The following ERBB2 variants were observed in gnomAD, a reference collection of about 807,000 sequenced individuals.
The protein encoded by ERBB2 is erb-b2 receptor tyrosine kinase 2.
Under a neutral mutation model 149.0 loss-of-function variants are expected in ERBB2, and 61 were observed. That is an observed-to-expected ratio of 0.41 (90% CI 0.33 to 0.51). The LOEUF (loss-of-function observed/expected upper bound fraction) is 0.51, where lower values mean the gene tolerates loss of function less well. ERBB2 is among the 20% of genes least tolerant of loss of function. The probability of loss-of-function intolerance (pLI) is 0.25; values close to 1 mark genes in which losing one functional copy is unlikely to be tolerated. For synonymous variants in ERBB2, 633 were observed against 678.8 expected, an observed-to-expected ratio of 0.93 and a Z score of 1.05; for missense variants, 1,205 against 1,655.1, an observed-to-expected ratio of 0.73 and a Z score of 4.72.
intron 15 of ERBB2, 88 bp from the exon 16 acceptor site, chr17:39,719,699 C>T: frequency 2.2e-6 from 3 of 1,362,046 alleles, no homozygotes; most frequent in East Asian, 2.3e-5. Flanking sequence ...GACCCAGCCA[C>T]ACCCCTCCCA....
At chr17:39,707,948 T>G in intron 2 of ERBB2, 1 of 189,744 alleles carries the variant, frequency 5.3e-6, no homozygotes, top group Non-Finnish European at 1.1e-5. Flanking sequence ...GTGGTGAGCC[T>G]AGATCGTGCC....
chr17:39,699,601 A>G (rs1187833144), upstream of ERBB2: 1 of 1,391,876 alleles, frequency 7.2e-7, no homozygotes, highest in Admixed American at 2.0e-5. Flanking sequence ...AACACAACAC[A>G]TCCCCCTCCT....
At position 39,709,523 on chromosome 17, in the gene ERBB2, A is replaced by G. The variant is rs951781674; in HGVS notation, c.574+71A>G. On this transcript the variant is annotated intron_variant, in intron 4 of 26. Coordinates refer to ENST00000269571, the MANE Select transcript of ERBB2 (RefSeq NM_004448.4). Reference sequence around the variant, plus strand: ...CCCCAGCCGCAAACTCCCAACTTACAACCCAGTGCCTGCCCGCCACTGCCC... The same window carrying G: ...CCCCAGCCGCAAACTCCCAACTTACGACCCAGTGCCTGCCCGCCACTGCCC... The G allele has an allele frequency of 2.6e-6, 4 of 1,564,194 alleles. No homozygotes were observed. In the African/African-American group the frequency reaches 4.1e-5, roughly 16 times the overall value.
At chr17:39,706,948 C>T (rs1444394676) in intron 1 of ERBB2, 42 bp from the exon 2 acceptor site, 3 of 1,479,312 alleles carry the variant, frequency 2.0e-6, no homozygotes, top group Non-Finnish European at 2.7e-6. Flanking sequence ...CTGAGAAGGT[C>T]CCCCGCCAGT....
At chr17:39,709,532 C>A (rs1597863755) in intron 4 of ERBB2, 80 bp downstream of exon 4, 1 of 1,527,416 alleles carries the variant, frequency 6.5e-7, no homozygotes, top group Non-Finnish European at 8.9e-7. Flanking sequence ...CAACCCAGTG[C>A]CTGCCCGCCA....
rs528617852 is a variant in ERBB2 at position 39,726,201 on chromosome 17, G to T, written c.2872+348G>T. ...ATAAAAAAATTATCTGGGTGTGGTG[G>T]TGTGTGCCAGTAGTCCCAGCTACTC... On this transcript the variant is annotated intron_variant, in intron 23 of 26. Coordinates refer to ENST00000269571, the MANE Select transcript of ERBB2 (RefSeq NM_004448.4). This position sits in a 1 kb window ranked among gnomAD's most constrained non-coding sequence, Gnocchi z 5.1. The T allele has an allele frequency of 7.4e-6, 3 of 405,706 alleles. No homozygotes were observed. The East Asian group carries it at 1.4e-4, about 19-fold the overall frequency. 25.1% of individuals were successfully genotyped at this position (405,706 alleles called of 1,614,324 possible). A position where few individuals can be genotyped will look rare whatever the true frequency, so the allele number is the denominator to read the frequency against.
rs2145815193 is a variant in ERBB2, at chr17:39,723,623, A to G, written c.2171A>G (p.Lys724Arg). 1.2e-6 allele frequency: 2 copies of G among 1,606,234 alleles called. No homozygotes were observed. The highest frequency in any genetic ancestry group is 1.7e-6 in the Non-Finnish European group (2 of 1,176,332). ...ILKETELRKV[K>R]VLGSGAFGTV... ...AAAGAGACGGAGCTGAGGAAGGTGA[A>G]GGTGCTTGGATCTGGCGCTTTTGGC... The change falls in exon 18 of 27, where the codon AAG becomes AGG. Residue 724 changes from lysine to arginine, a missense_variant. Lys to Arg is a conservative substitution (Grantham distance 26, BLOSUM62 2). Transcript: ENST00000269571. This position sits in a 1 kb window ranked among gnomAD's most constrained non-coding sequence, Gnocchi z 6.2.
chr17:39,716,595 G>C lies in ERBB2; in HGVS notation c.1727G>C (p.Cys576Ser). The change falls in exon 14 of 27, where the codon TGT (cysteine) becomes TCT (serine). Residue 576 changes from cysteine (C) to serine (S), a missense_variant. Cys to Ser is a moderately radical substitution (Grantham distance 112). Coordinates refer to ENST00000269571, the MANE Select transcript of ERBB2 (RefSeq NM_004448.4). ...CAGCCCCAGAATGGCTCAGTGACCT[G>C]TTTTGGACCGGTGAGCTGCTGGCGG... ...ECQPQNGSVTCFGPEADQCVA... is the reference protein window; with the variant it reads ...ECQPQNGSVTSFGPEADQCVA... 1 of 1,614,038 alleles carries C rather than the reference G, an allele frequency of 6.2e-7. No homozygotes were observed. The highest frequency in any genetic ancestry group is 8.5e-7 in the Non-Finnish European group (1 of 1,179,980).
In ERBB2 at chr17:39,709,386, A is replaced by C. The variant is rs1269105876; in HGVS notation, c.508A>C (p.Lys170Gln). 6.2e-7 allele frequency: 1 copy of C among 1,613,904 alleles called. No homozygotes were observed. Among genetic ancestry groups the C allele is most frequent in the African/African-American group, 1.3e-5 (1 of 74,878 alleles). The change falls in exon 4 of 27, where the codon AAG (lysine) becomes CAG (glutamine). Residue 170 changes from lysine (K) to glutamine (Q), a missense_variant. Around this residue, in one of 6 missense-constraint regions of ERBB2, gnomAD observed 569 missense variants for 803.5 expected, o/e 0.71. Transcript: ENST00000269571. The part of the protein sequence containing the change: ...QLCYQDTILW[K>Q]DIFHKNNQLA... Reference sequence around the variant, plus strand: ...CTGCTACCAGGACACGATTTTGTGGAAGGACATCTTCCACAAGAACAACCA... The same window carrying C: ...CTGCTACCAGGACACGATTTTGTGGCAGGACATCTTCCACAAGAACAACCA...
intron 6 of ERBB2, 23 bp downstream of exon 6, chr17:39,710,224 C>A (rs1237440963): frequency 6.2e-7 from 1 of 1,610,204 alleles, no homozygotes; most frequent in Non-Finnish European, 8.5e-7. Context: ...GCTTTGTGCC[C>A]AATGTGCTCT....
intron 2 of ERBB2, 142 bp from the exon 3 acceptor site, chr17:39,708,179 T>G (rs2058570192): frequency 1.7e-6 from 1 of 600,844 alleles, no homozygotes. Context: ...TTATCTCTAT[T>G]TTATCGTTTT....
chr17:39,690,338 A>T (rs558424812), upstream of ERBB2, among the ~76,000 whole-genome samples: 13 of 152,320 alleles, frequency 8.5e-5, no homozygotes, highest in Admixed American at 8.5e-4. Flanking sequence ...CTCCCGCCTC[A>T]ACCTCCCAAA....
chr17:39,704,153 T>C (rs530981870), intron 1 of ERBB2, among the ~76,000 whole-genome samples: 1 of 152,330 alleles, frequency 6.6e-6, no homozygotes, highest in African/African-American at 2.4e-5. Context: ...CAGACACTTA[T>C]CTAGCGCTCC....
intron 7 of ERBB2, among the ~76,000 whole-genome samples, chr17:39,711,423 C>T (rs1234604308): frequency 6.6e-6 from 1 of 152,034 alleles, no homozygotes; most frequent in African/African-American, 2.4e-5. Flanking sequence ...AACTCCTGAC[C>T]TCAAGTGATC....
In ERBB2 at chr17:39,725,804, G is replaced by T; in HGVS notation, c.2823G>T (p.Leu941=). The change falls in exon 23 of 27, where the codon CTG becomes CTT. Residue 941 remains leucine, a synonymous_variant. Coordinates refer to ENST00000269571, the MANE Select transcript of ERBB2 (RefSeq NM_004448.4). The surrounding 1 kb of genome is among the most constrained non-coding windows in gnomAD (Gnocchi z 4.6). ...ACCTGCTGGAAAAGGGGGAGCGGCT[G>T]CCCCAGCCCCCCATCTGCACCATTG... The part of the protein sequence containing the change: ...IPDLLEKGER[L]PQPPICTIDV... The T allele has an allele frequency of 1.2e-6, 2 of 1,613,782 alleles. No individual in the cohort carries two copies. Among genetic ancestry groups the T allele is most frequent in the Non-Finnish European group, 1.7e-6 (2 of 1,179,876 alleles).
Position 39,726,472 on chromosome 17 carries a change from G to A in ERBB2, c.2873-90G>A, listed in dbSNP as rs2059767960. ...GGGCTTTGGGCTGTCCCTTGGGACTGTCTAGACCAGACTGGAGGGGGAGTG... is the reference window on the plus strand; with the variant it reads ...GGGCTTTGGGCTGTCCCTTGGGACTATCTAGACCAGACTGGAGGGGGAGTG... On this transcript the variant is annotated intron_variant, in intron 23 of 26. Coordinates refer to ENST00000269571, the MANE Select transcript of ERBB2 (RefSeq NM_004448.4). This position sits in a 1 kb window ranked among gnomAD's most constrained non-coding sequence, Gnocchi z 5.1. 4.6e-6 allele frequency: 5 copies of A among 1,093,882 alleles called. No individual in the cohort carries two copies. Among genetic ancestry groups the A allele is most frequent in the Non-Finnish European group, 6.9e-6 (5 of 721,474 alleles). 67.8% of individuals were successfully genotyped at this position (1,093,882 alleles called of 1,614,324 possible). A position where few individuals can be genotyped will look rare whatever the true frequency, so the allele number is the denominator to read the frequency against.
In ERBB2 at chr17:39,724,869, G is replaced by T. The variant is rs768470177; in HGVS notation, c.2451G>T (p.Leu817=). 56 of 1,614,062 alleles carry T rather than the reference G, an allele frequency of 3.5e-5. No individual in the cohort carries two copies. The highest frequency in any genetic ancestry group is 4.7e-5 in the Non-Finnish European group (56 of 1,180,048). ...ATGTCCGGGAAAACCGCGGACGCCT[G>T]GGCTCCCAGGACCTGCTGAACTGGT... is the stretch of plus-strand genomic sequence containing the variant. The part of the protein sequence containing the change: ...LDHVRENRGR[L]GSQDLLNWCM... Residue 817 remains leucine, a synonymous_variant, in exon 20 of 27, where the codon CTG becomes CTT. Transcript: ENST00000269571.
chr17:39,724,993 C>CA (rs2059669189), intron 20 of ERBB2, 56 bp from the exon 21 acceptor site: 1 of 1,608,992 alleles, frequency 6.2e-7, no homozygotes, highest in Admixed American at 1.7e-5. Context: ...TCTTGCTGGG[C>CA]ATGTGGCCAG....
intron 9 of ERBB2, among the ~76,000 whole-genome samples, chr17:39,713,862 C>T (rs1166631598): frequency 1.3e-5 from 2 of 151,634 alleles, no homozygotes; most frequent in African/African-American, 4.8e-5. Flanking sequence ...TCAAGAACAG[C>T]GTGGGCAACA....
Sources: allele counts gnomAD v4.1 joint callset (sites outside exome capture counted in the v4.1 genomes callset), GRCh38; gene constraint gnomAD v4.1.1; regional missense constraint gnomAD v4.1.1; non-coding constraint Gnocchi (gnomAD v3.1); transcripts MANE v1.5; gene names NCBI Gene and HGNC (gene_info 2026-07-23, HGNC 2026-07-21).